PTPRN2: variants seen among roughly 807,000 people sequenced by gnomAD.
The protein encoded by PTPRN2 is protein tyrosine phosphatase receptor type N2.
Under a neutral mutation model 118.8 loss-of-function variants are expected in PTPRN2, and 74 were observed. That is an observed-to-expected ratio of 0.62 (90% confidence interval 0.52 to 0.76). PTPRN2 has a LOEUF of 0.76. PTPRN2 is among the 30% of genes least tolerant of loss of function. PTPRN2 has a pLI of 0.00. For missense variants in PTPRN2, 1,481 were observed against 1,394.4 expected, an observed-to-expected ratio of 1.06 and a Z score of -0.99; for synonymous variants, 641 against 608.0, an observed-to-expected ratio of 1.05 and a Z score of -0.80.
chr7:158,267,135 T>A (rs1416690105), intron 3 of PTPRN2, among the ~76,000 whole-genome samples: 1 of 152,236 alleles, frequency 6.6e-6, no homozygotes, highest in Admixed American at 6.5e-5. Context: ...TTAAGAGATC[T>A]AGAAATGTTG....
intron 2 of PTPRN2, among the ~76,000 whole-genome samples, chr7:158,327,363 T>A (rs929558049): frequency 1.6e-5 from 2 of 127,376 alleles, no homozygotes; most frequent in African/African-American, 2.8e-5. Flanking sequence ...ATGTACACAT[T>A]GTCACACACA....
At chr7:157,730,239 G>C (rs1412447088) in intron 12 of PTPRN2, among the ~76,000 whole-genome samples, 2 of 151,974 alleles carry the variant, frequency 1.3e-5, no homozygotes, top group African/African-American at 4.8e-5. Context: ...CTGGACACAT[G>C]TCCTGGAATC....
intron 3 of PTPRN2, among the ~76,000 whole-genome samples, chr7:158,299,072 G>A (rs925006761): frequency 3.3e-5 from 5 of 152,172 alleles, no homozygotes; most frequent in Non-Finnish European, 7.3e-5. Flanking sequence ...TGGACAGAAC[G>A]TCACAGCAGT....
chr7:157,735,735 G>A (rs1585339556), intron 12 of PTPRN2, among the ~76,000 whole-genome samples: 1 of 152,300 alleles, frequency 6.6e-6, no homozygotes, highest in South Asian at 2.1e-4. Context: ...GACACTCTCA[G>A]TGTTGTTTGT....
At position 157,576,484 on chromosome 7, in the gene PTPRN2, C is replaced by T. The variant is rs1563226966; in HGVS notation, c.2783+129G>A. On this transcript the variant is annotated intron_variant, in intron 19 of 22. Transcript: ENST00000389418. ...GTCTTCCCGCCTCTCGCTTCCCTTC[C>T]CCTCCCCCCTGCGGCGCCGACACAG... 6 of 984,480 alleles carry T rather than the reference C, an allele frequency of 6.1e-6. No homozygotes were observed. In the Admixed American group the frequency reaches 1.6e-4, roughly 26 times the overall value. 61.0% of individuals were successfully genotyped at this position (984,480 alleles called of 1,614,324 possible).
At chr7:157,656,666 A>C (rs116623442) in intron 13 of PTPRN2, 115 bp from the exon 14 acceptor site, 7 of 1,124,352 alleles carry the variant, frequency 6.2e-6, no homozygotes, top group Non-Finnish European at 7.5e-6. Context: ...TCCAAGGTTC[A>C]GGCAGGCGAG....
At chr7:158,269,009 C>T (rs989191028) in intron 3 of PTPRN2, among the ~76,000 whole-genome samples, 2 of 152,226 alleles carry the variant, frequency 1.3e-5, no homozygotes, top group African/African-American at 4.8e-5. Context: ...TTTTTGAACG[C>T]ACACACTGAA....
chr7:158,006,579 T>G (rs1805645067), intron 11 of PTPRN2, among the ~76,000 whole-genome samples: 1 of 152,202 alleles, frequency 6.6e-6, no homozygotes, highest in African/African-American at 2.4e-5. Context: ...CACTTGCCAT[T>G]TCCACAACCT....
intron 11 of PTPRN2, among the ~76,000 whole-genome samples, chr7:157,965,904 C>T (rs552462601): frequency 7.2e-4 from 110 of 152,324 alleles, no homozygotes; most frequent in African/African-American, 2.5e-3. Context: ...ATCCAGGAAG[C>T]CCTCGAGAGC....
chr7:158,003,538 GCCACGACGCAGCCACCGTGA>G lies in PTPRN2; in HGVS notation c.1723+77740_1723+77759del, dbSNP rs1381652011. ...CAGAAGGACAGCCCCTGAGGACGTG[GCCACGACGCAGCCACCGTGA>G]GCCAGGGAATGCGGCCCCAGGAACA... is the stretch of plus-strand genomic sequence containing the variant. On this transcript the variant is annotated intron_variant, in intron 11 of 22. Transcript: ENST00000389418. The surrounding 1 kb of genome is among the most constrained non-coding windows in gnomAD (Gnocchi z 5.0). 1.6e-4 allele frequency among the ~76,000 whole-genome samples: 25 copies of G among 152,158 alleles called. No homozygotes were observed. Among genetic ancestry groups the G allele is most frequent in the Non-Finnish European group, 2.4e-4 (16 of 68,022 alleles).
chr7:158,516,774 T>C (rs534056633), intron 1 of PTPRN2, among the ~76,000 whole-genome samples: 5 of 152,084 alleles, frequency 3.3e-5, no homozygotes, highest in Non-Finnish European at 7.4e-5. Flanking sequence ...GTACTGTTCT[T>C]GGTGCTCCTG....
rs574149134 is a variant in PTPRN2 at position 157,780,866 on chromosome 7, T to A, written c.1789-97929A>T. On this transcript the variant is annotated intron_variant, in intron 12 of 22. Transcript: ENST00000389418. The surrounding 1 kb of genome is among the most constrained non-coding windows in gnomAD (Gnocchi z 4.5). ...CCACAGATCAATCAGGACAGAATACTCACTAACCAAAGGTCGGTTTCACTT... is the reference window on the plus strand; with the variant it reads ...CCACAGATCAATCAGGACAGAATACACACTAACCAAAGGTCGGTTTCACTT... Among the ~76,000 whole-genome samples the A allele has an allele frequency of 3.2e-4, 48 of 152,248 alleles. No homozygotes were observed. The highest frequency in any genetic ancestry group is 1.5e-3 in the Admixed American group (23 of 15,290).
rs1400901536 is a variant in PTPRN2, at chr7:157,903,247, G to C, written c.1724-4510C>G. On this transcript the variant is annotated intron_variant, in intron 11 of 22. Transcript: ENST00000389418. The surrounding 1 kb of genome is among the most constrained non-coding windows in gnomAD (Gnocchi z 4.2). ...TACAGCCATAGAGATGGGAACAACA[G>C]ACACGTAAGAGGGAATGTGAGAGGG... Among the ~76,000 whole-genome samples the C allele has an allele frequency of 6.6e-6, 1 of 152,068 alleles. No homozygotes were observed. Among genetic ancestry groups the C allele is most frequent in the African/African-American group, 2.4e-5 (1 of 41,376 alleles).
At chr7:157,932,013 C>T (rs6950098) in intron 11 of PTPRN2, among the ~76,000 whole-genome samples, 43,524 of 152,034 alleles carry the variant, frequency 0.29, 7,261 homozygotes, top group African/African-American at 0.44. Context: ...CTCAGACACT[C>T]GTCACCCGAT....
intron 12 of PTPRN2, among the ~76,000 whole-genome samples, chr7:157,884,813 CAT>C (rs540634348): frequency 1.6e-3 from 243 of 152,298 alleles, no homozygotes; most frequent in Middle Eastern, 0.01. Context: ...CCTCTCACGA[CAT>C]GTGGCAATTG....
At chr7:158,190,124 T>G (rs1260212248) in intron 5 of PTPRN2, among the ~76,000 whole-genome samples, 1 of 152,224 alleles carries the variant, frequency 6.6e-6, no homozygotes, top group Non-Finnish European at 1.5e-5. Flanking sequence ...CGGTTACAGC[T>G]ATTGCTGACT....
intron 1 of PTPRN2, among the ~76,000 whole-genome samples, chr7:158,501,050 G>A (rs1357508750): frequency 6.6e-6 from 1 of 152,270 alleles, no homozygotes; most frequent in Non-Finnish European, 1.5e-5. Flanking sequence ...GAGGCTCGGA[G>A]CACTCAGGGC....
chr7:158,315,815 G>A (rs572350438), intron 3 of PTPRN2, among the ~76,000 whole-genome samples: 60 of 152,346 alleles, frequency 3.9e-4, no homozygotes, highest in Middle Eastern at 3.4e-3. Flanking sequence ...TGAATGTCCC[G>A]TGTGAATGTT....
chr7:157,823,032 A>G (rs1205372288), intron 12 of PTPRN2, among the ~76,000 whole-genome samples: 4 of 151,486 alleles, frequency 2.6e-5, no homozygotes, highest in Non-Finnish European at 2.9e-5. Context: ...CCATCTTTCT[A>G]TCCTTCCATC....
Sources: allele counts gnomAD v4.1 joint callset (sites outside exome capture counted in the v4.1 genomes callset), GRCh38; gene constraint gnomAD v4.1.1; non-coding constraint Gnocchi (gnomAD v3.1); transcripts MANE v1.5; gene names NCBI Gene and HGNC (gene_info 2026-07-23, HGNC 2026-07-21).